DMD: variants seen among roughly 807,000 people sequenced by gnomAD.
DMD encodes dystrophin.
DMD carries 63 observed loss-of-function variants against 330.1 expected under a neutral mutation model. The ratio of observed to expected loss-of-function variants is 0.19; its 90% CI spans 0.16 to 0.24. The LOEUF is 0.24. DMD is among the 10% of genes least tolerant of loss of function. The pLI, the probability that DMD is intolerant of heterozygous loss-of-function variation, is 1.00. For synonymous variants in DMD, 1,223 were observed against 959.8 expected (o/e 1.27, Z -5.07); for missense variants, 3,344 against 2,684.1 (o/e 1.25, Z -5.43).
chrX:32,085,438 C>T (rs2096424698), intron 44 of DMD, among the ~76,000 whole-genome samples: 1 of 108,287 alleles, frequency 9.2e-6, no homozygotes, highest in South Asian at 4.0e-4. Flanking sequence ...GATTCCCTTG[C>T]ACACCCCCAC....
chrX:31,639,844 T>C (rs1482374624), intron 54 of DMD, among the ~76,000 whole-genome samples: 4 of 111,648 alleles, frequency 3.6e-5, no homozygotes, highest in East Asian at 2.8e-4. Flanking sequence ...ACAAAGTATT[T>C]GTTATTTAAA....
At chrX:33,292,412 T>C (rs1466535935) in intron 1 of DMD, among the ~76,000 whole-genome samples, 2 of 111,777 alleles carry the variant, frequency 1.8e-5, no homozygotes, top group Non-Finnish European at 3.8e-5. Flanking sequence ...TTAAAATATA[T>C]GTTATTTATA....
chrX:33,097,764 G>A (rs2095187612), intron 1 of DMD, among the ~76,000 whole-genome samples: 1 of 108,345 alleles, frequency 9.2e-6, no homozygotes, highest in Non-Finnish European at 1.9e-5. Context: ...TACAGGCACT[G>A]GCCACCACGC....
At chrX:32,557,165 T>C (rs968015219) in intron 16 of DMD, among the ~76,000 whole-genome samples, 1 of 111,575 alleles carries the variant, frequency 9.0e-6, no homozygotes, top group Non-Finnish European at 1.9e-5. Flanking sequence ...TTGAGGCAGA[T>C]AAAACTTTTT....
At chrX:32,475,818 G>A (rs1370832174) in intron 21 of DMD, among the ~76,000 whole-genome samples, 15 of 110,217 alleles carry the variant, frequency 1.4e-4, no homozygotes, top group African/African-American at 3.0e-4. Context: ...TCATATAGTC[G>A]GCAAACACTG....
intron 1 of DMD, among the ~76,000 whole-genome samples, chrX:33,067,415 C>A (rs1169113588): frequency 8.9e-6 from 1 of 112,382 alleles, no homozygotes; most frequent in Non-Finnish European, 1.9e-5. Context: ...GAGATGGTTC[C>A]AATTACAATA....
intron 44 of DMD, among the ~76,000 whole-genome samples, chrX:32,127,777 C>G (rs1213448178): frequency 1.8e-5 from 2 of 112,338 alleles, no homozygotes; most frequent in African/African-American, 6.5e-5. Context: ...ACTCAAACAA[C>G]TCTACCATTA....
At chrX:33,295,737 C>A (rs1275426562) in intron 1 of DMD, among the ~76,000 whole-genome samples, 1 of 111,463 alleles carries the variant, frequency 9.0e-6, no homozygotes, top group African/African-American at 3.3e-5. Context: ...AACAGACCCA[C>A]ATCTACCATT....
intron 62 of DMD, among the ~76,000 whole-genome samples, chrX:31,286,055 G>A (rs182869185): frequency 2.1e-4 from 23 of 111,752 alleles, no homozygotes; most frequent in Non-Finnish European, 3.8e-4. Flanking sequence ...TTCTCAGATC[G>A]GCATCTTTAT....
intron 44 of DMD, among the ~76,000 whole-genome samples, chrX:32,164,108 C>T (rs2096859426): frequency 9.0e-6 from 1 of 110,987 alleles, no homozygotes; most frequent in Non-Finnish European, 1.9e-5. Context: ...CACAATGGAC[C>T]ATGTCTGTAA....
chrX:32,830,342 A>G (rs2079057769), intron 4 of DMD, among the ~76,000 whole-genome samples: 1 of 111,503 alleles, frequency 9.0e-6, no homozygotes, highest in Admixed American at 9.5e-5. Context: ...TTCAAGAATT[A>G]TCAGTCTAAT....
At chrX:32,565,579 T>G in intron 16 of DMD, 123 bp downstream of exon 16, 2 of 683,767 alleles carry the variant, frequency 2.9e-6, no homozygotes, top group South Asian at 5.2e-5. Context: ...TGTTTTTATT[T>G]AACTAAACAC....
chrX:32,055,111 G>T (rs1010153606), intron 44 of DMD, among the ~76,000 whole-genome samples: 1 of 111,299 alleles, frequency 9.0e-6, no homozygotes, highest in Non-Finnish European at 1.9e-5. Flanking sequence ...GAGGACAAGT[G>T]CCTGTGTTCT....
chrX:31,521,877 C>G (rs1391024076), intron 55 of DMD, among the ~76,000 whole-genome samples: 1 of 111,787 alleles, frequency 8.9e-6, no homozygotes, highest in Non-Finnish European at 1.9e-5. Flanking sequence ...TACACATTCA[C>G]TTTTTGATGT....
chrX:33,203,499 T>C (rs1056997387), intron 1 of DMD, among the ~76,000 whole-genome samples: 2 of 111,205 alleles, frequency 1.8e-5, no homozygotes, highest in African/African-American at 6.5e-5. Context: ...TGGGAGGAAA[T>C]TAGGGGTAAA....
At chrX:33,032,493 C>A (rs2094132821) in intron 1 of DMD, among the ~76,000 whole-genome samples, 4 of 111,739 alleles carry the variant, frequency 3.6e-5, no homozygotes, top group Admixed American at 2.9e-4. Flanking sequence ...ATAACCTCTT[C>A]ATTTAAAAAA....
rs976697493 is a variant in DMD at position 32,481,145 on chromosome X, G to A, written c.2803+3774C>T. 3.6e-5 allele frequency among the ~76,000 whole-genome samples: 4 copies of A among 110,239 alleles called. No individual in the cohort carries two copies. In the Admixed American group the frequency reaches 3.9e-4, roughly 11 times the overall value. ...TGTGGCCATGGAGAGCATCCTTGCT[G>A]GCTACCCTTAAAATTTTCTTCTACT... On this transcript the variant is annotated intron_variant, in intron 21 of 78. Coordinates refer to ENST00000357033, the MANE Select transcript of DMD (RefSeq NM_004006.3).
At chrX:32,216,188 G>A (rs747284971) in intron 44 of DMD, among the ~76,000 whole-genome samples, 19 of 111,876 alleles carry the variant, frequency 1.7e-4, no homozygotes, top group Non-Finnish European at 3.6e-4. Flanking sequence ...TAAAAAAGAT[G>A]CAAAAATAAT....
At chrX:32,117,328 A>G (rs2096615191) in intron 44 of DMD, among the ~76,000 whole-genome samples, 1 of 111,695 alleles carries the variant, frequency 9.0e-6, no homozygotes, top group Non-Finnish European at 1.9e-5. Flanking sequence ...GATATGATTA[A>G]TAAAAATATG....
Sources: gnomAD v4.1 joint callset for allele counts (sites outside exome capture counted in the v4.1 genomes callset) on GRCh38, gnomAD v4.1.1 for gene constraint, MANE v1.5 for transcripts, NCBI Gene and HGNC (gene_info 2026-07-23, HGNC 2026-07-21) for gene names.